Variants in NSRP1 observed in about 807,000 individuals in gnomAD.
NSRP1 encodes nuclear speckle splicing regulatory protein 1.
A neutral mutation model predicts 54.7 loss-of-function variants in NSRP1; 24 were observed. The observed-to-expected ratio is 0.44, with a 90% confidence interval of 0.32 to 0.62. The LOEUF is 0.62. Among genes scored for constraint, NSRP1 ranks in the 20% least tolerant of loss-of-function variants. The probability of loss-of-function intolerance (pLI) is 0.06; values close to 1 mark genes in which losing one functional copy is unlikely to be tolerated. For synonymous variants in NSRP1, 210 were observed against 213.8 expected (o/e 0.98, Z 0.15); for missense variants, 596 against 651.2 (o/e 0.92, Z 0.92).
At chr17:30,182,094 T>A (rs1196591503) in intron 6 of NSRP1, among the ~76,000 whole-genome samples, 4 of 144,366 alleles carry the variant, frequency 2.8e-5, no homozygotes, top group Non-Finnish European at 6.0e-5. Context: ...TGGGTATTCC[T>A]CATGATCCTT....
At chr17:30,136,657 G>A (rs1456128266) in intron 2 of NSRP1, among the ~76,000 whole-genome samples, 2 of 152,080 alleles carry the variant, frequency 1.3e-5, no homozygotes, top group African/African-American at 4.8e-5. Flanking sequence ...ATTAAAATAT[G>A]AAGAATCTGT....
At chr17:30,176,257 T>C (rs1408346694) in intron 3 of NSRP1, among the ~76,000 whole-genome samples, 3 of 152,152 alleles carry the variant, frequency 2.0e-5, no homozygotes, top group Non-Finnish European at 4.4e-5. Flanking sequence ...TAGTAACATA[T>C]CTACTCAAGT....
chr17:30,158,651 CA>C (rs1904406585), intron 2 of NSRP1, among the ~76,000 whole-genome samples: 1 of 151,684 alleles, frequency 6.6e-6, no homozygotes, highest in Non-Finnish European at 1.5e-5. Flanking sequence ...TGGTGAGAGA[CA>C]GGGGTTTAGT....
At chr17:30,167,082 C>G (rs1034061180) in intron 2 of NSRP1, among the ~76,000 whole-genome samples, 2 of 152,170 alleles carry the variant, frequency 1.3e-5, no homozygotes, top group African/African-American at 4.8e-5. Context: ...TTTCACTCTA[C>G]CTCCATGTGA....
chr17:30,177,125 T>C (rs997855675), intron 3 of NSRP1, among the ~76,000 whole-genome samples: 4 of 152,072 alleles, frequency 2.6e-5, no homozygotes, highest in Admixed American at 6.6e-5. Context: ...TTCCAGCACT[T>C]TGGGGGGCGC....
intron 2 of NSRP1, among the ~76,000 whole-genome samples, chr17:30,142,054 T>C (rs1437140385): frequency 2.0e-5 from 3 of 152,206 alleles, no homozygotes; most frequent in Non-Finnish European, 2.9e-5. Context: ...TCTCTTTGAT[T>C]AGCTGTAGTT....
chr17:30,122,093 A>G (rs968739745), intron 2 of NSRP1, among the ~76,000 whole-genome samples: 1 of 151,990 alleles, frequency 6.6e-6, no homozygotes, highest in Non-Finnish European at 1.5e-5. Flanking sequence ...TCTTTCACTT[A>G]GCATGATGTT....
At chr17:30,146,068 C>T (rs530394146) in intron 2 of NSRP1, among the ~76,000 whole-genome samples, 1 of 152,234 alleles carries the variant, frequency 6.6e-6, no homozygotes, top group Admixed American at 6.5e-5. Flanking sequence ...ATGCTGATCT[C>T]GAACTCCTAG....
chr17:30,180,944 G>T lies in NSRP1; in HGVS notation c.545G>T (p.Gly182Val). ...LDVTKQKDLS[G>V]FYRHLLNQAV... ...GTAACCAAGCAGAAAGATCTCAGTG[G>T]ATTTTATAGGCACCTATTAAATCAA... The change falls in exon 6 of 7, where the codon GGA becomes GTA. Residue 182 changes from glycine (G) to valine (V), a missense_variant. Coordinates refer to ENST00000247026, the MANE Select transcript of NSRP1 (RefSeq NM_032141.4). 6.2e-7 allele frequency: 1 copy of T among 1,613,678 alleles called. No individual in the cohort carries two copies. The highest frequency in any genetic ancestry group is 1.3e-5 in the African/African-American group (1 of 75,024).
At chr17:30,162,138 C>T (rs2143006153) in intron 2 of NSRP1, among the ~76,000 whole-genome samples, 1 of 152,052 alleles carries the variant, frequency 6.6e-6, no homozygotes, top group South Asian at 2.1e-4. Context: ...GATTCTCCTG[C>T]CTCAGCCTCC....
intron 2 of NSRP1, among the ~76,000 whole-genome samples, chr17:30,160,567 C>T (rs1904479150): frequency 6.6e-6 from 1 of 152,080 alleles, no homozygotes; most frequent in African/African-American, 2.4e-5. Flanking sequence ...TTTAGGTTTT[C>T]CAGTTTGTTG....
intron 3 of NSRP1, among the ~76,000 whole-genome samples, chr17:30,177,698 T>C (rs187168844): frequency 4.1e-4 from 63 of 152,342 alleles, no homozygotes; most frequent in Admixed American, 7.8e-4. Context: ...TATAATTATA[T>C]ACAAATGAAT....
intron 2 of NSRP1, among the ~76,000 whole-genome samples, chr17:30,159,603 T>A (rs923207995): frequency 1.3e-5 from 2 of 152,142 alleles, no homozygotes; most frequent in African/African-American, 4.8e-5. Context: ...GCTATGGGTT[T>A]GTCATATATG....
chr17:30,129,188 T>C (rs2071678321), intron 2 of NSRP1, among the ~76,000 whole-genome samples: 1 of 152,124 alleles, frequency 6.6e-6, no homozygotes, highest in Non-Finnish European at 1.5e-5. Context: ...TAACACATTT[T>C]ATCTGATAGA....
intron 2 of NSRP1, chr17:30,122,349 T>TGTGTGTGTGTGTATATATATATATA (rs1481107161): frequency 2.8e-5 from 2 of 72,316 alleles, no homozygotes; most frequent in African/African-American, 1.1e-4. Context: ...ATAACTCTGG[T>TGTGTGTGTGTGTATATATATATATA]TTCATATATA....
chr17:30,116,994 AG>A lies in NSRP1; in HGVS notation c.20+132del, dbSNP rs989059076. On this transcript the variant is annotated intron_variant, in intron 1 of 6. Coordinates refer to ENST00000247026, the MANE Select transcript of NSRP1 (RefSeq NM_032141.4). The stretch of plus-strand genomic sequence containing the variant: ...TCAAGGGTAGAGACGGGAAAAAACG[AG>A]AAGTCCTGAGGAACATAGATTCCCC... The A allele has an allele frequency of 4.7e-5, 55 of 1,163,730 alleles. No homozygotes were observed. The African/African-American group carries it at 7.3e-4, about 15-fold the overall frequency. 72.1% of individuals were successfully genotyped at this position (1,163,730 alleles called of 1,614,324 possible).
Position 30,179,116 on chromosome 17 carries a change from A to G in NSRP1, c.327A>G (p.Lys109=). 1 of 1,593,068 alleles carries G rather than the reference A, an allele frequency of 6.3e-7. No individual in the cohort carries two copies. Among genetic ancestry groups the G allele is most frequent in the South Asian group, 1.1e-5 (1 of 87,478 alleles). ...CCAAGTATATTCACAACTTGCTAAA[A>G]GCAGTTGAGATCAGAAAAAAGGAAC... is the stretch of plus-strand genomic sequence containing the variant. The part of the protein sequence containing the change: ...RKPKYIHNLL[K]AVEIRKKEQE... The change falls in exon 5 of 7, where the codon AAA becomes AAG. Residue 109 remains lysine (K), a synonymous_variant. Coordinates refer to ENST00000247026, the MANE Select transcript of NSRP1 (RefSeq NM_032141.4).
intron 4 of NSRP1, among the ~76,000 whole-genome samples, chr17:30,178,767 T>C (rs1450493693): frequency 3.9e-5 from 6 of 152,182 alleles, no homozygotes; most frequent in Non-Finnish European, 8.8e-5. Context: ...AATAGTCATA[T>C]TTCTACTAAA....
intron 2 of NSRP1, among the ~76,000 whole-genome samples, chr17:30,161,329 A>C (rs1904508102): frequency 6.6e-6 from 1 of 152,090 alleles, no homozygotes; most frequent in Non-Finnish European, 1.5e-5. Context: ...TCTTTCTTAT[A>C]CTAGGTTTCT....
Sources: allele counts gnomAD v4.1 joint callset (sites outside exome capture counted in the v4.1 genomes callset), GRCh38; gene constraint gnomAD v4.1.1; transcripts MANE v1.5; gene names NCBI Gene and HGNC (gene_info 2026-07-23, HGNC 2026-07-21).